Variants in ACO2 observed in about 807,000 individuals in gnomAD.
The protein encoded by ACO2 is aconitase 2.
Under a neutral mutation model 84.5 loss-of-function variants are expected in ACO2, and 31 were observed. The observed-to-expected ratio is 0.37, with a 90% confidence interval of 0.28 to 0.50. The LOEUF (loss-of-function observed/expected upper bound fraction) is 0.50. Ranked by LOEUF, ACO2 falls within the 20% of genes least tolerant of loss-of-function variation. The probability of loss-of-function intolerance (pLI) is 0.97; values close to 1 mark genes in which losing one functional copy is unlikely to be tolerated. For synonymous variants in ACO2, 414 were observed against 412.7 expected (o/e 1.00, Z -0.04); for missense variants, 685 against 1,029.3 (o/e 0.67, Z 4.58).
intron 1 of ACO2, among the ~76,000 whole-genome samples, chr22:41,481,871 C>A (rs1036149037): frequency 6.6e-6 from 1 of 152,148 alleles, no homozygotes; most frequent in African/African-American, 2.4e-5. Flanking sequence ...ATATTGTGAC[C>A]AGAATAGACC....
At position 41,524,969 on chromosome 22, in the gene ACO2, G is replaced by C; in HGVS notation, c.1605+1G>C. 6.2e-7 allele frequency: 1 copy of C among 1,614,182 alleles called. No homozygotes were observed. On this transcript the variant is annotated splice_donor_variant, in intron 13 of 17. Transcript: ENST00000216254. LOFTEE classifies it high-confidence loss of function. ...GGATGCAGATGAGCTTCCCAAAGGG[G>C]TGAGCGCCCACGCCCCCTGCTTGCT...
At chr22:41,496,928 G>T (rs977681655) in intron 1 of ACO2, among the ~76,000 whole-genome samples, 1 of 152,126 alleles carries the variant, frequency 6.6e-6, no homozygotes, top group Non-Finnish European at 1.5e-5. Flanking sequence ...GATTGACAGC[G>T]TTTGGATTAT....
chr22:41,477,376 G>A (rs2038030119), intron 1 of ACO2, among the ~76,000 whole-genome samples: 1 of 151,270 alleles, frequency 6.6e-6, no homozygotes, highest in South Asian at 2.1e-4. Flanking sequence ...AGCCAGGATG[G>A]TCTCAATCTC....
chr22:41,508,430 G>T (rs907601202), intron 3 of ACO2, among the ~76,000 whole-genome samples: 2 of 152,136 alleles, frequency 1.3e-5, no homozygotes, highest in Non-Finnish European at 2.9e-5. Flanking sequence ...ACCCACTCCC[G>T]CTCTCCTCTG....
chr22:41,523,073 C>T, intron 10 of ACO2, 86 bp downstream of exon 10: 1 of 1,577,054 alleles, frequency 6.3e-7, no homozygotes. Flanking sequence ...GCCTGTTGGG[C>T]CGGGGCTGGG....
chr22:41,514,207 C>T (rs879570914), intron 4 of ACO2, among the ~76,000 whole-genome samples: 1 of 152,172 alleles, frequency 6.6e-6, no homozygotes, highest in African/African-American at 2.4e-5. Flanking sequence ...TCTGGGAGCA[C>T]TGGTGGGTCC....
intron 11 of ACO2, among the ~76,000 whole-genome samples, 155 bp downstream of exon 11, chr22:41,523,433 C>G (rs1185980151): frequency 1.3e-5 from 2 of 152,246 alleles, no homozygotes; most frequent in Non-Finnish European, 2.9e-5. Context: ...GGCAGACATG[C>G]CTGGGAAGAG....
At chr22:41,517,429 T>C (rs1480071350) in intron 6 of ACO2, 98 bp from the exon 7 acceptor site, 9 of 932,962 alleles carry the variant, frequency 9.6e-6, no homozygotes, top group Non-Finnish European at 1.5e-5. Context: ...GGAGAAGCAA[T>C]GCAGCTCCCT....
intron 1 of ACO2, among the ~76,000 whole-genome samples, chr22:41,473,727 G>A (rs938725311): frequency 2.6e-5 from 4 of 152,268 alleles, no homozygotes; most frequent in African/African-American, 9.6e-5. Flanking sequence ...GGAAGACCTC[G>A]TAGAAGAGGT....
At chr22:41,503,530 C>T (rs2066369215) in intron 2 of ACO2, among the ~76,000 whole-genome samples, 2 of 152,074 alleles carry the variant, frequency 1.3e-5, no homozygotes, top group East Asian at 3.9e-4. Flanking sequence ...GGGGTTTCAC[C>T]ATGTTAGCCG....
At position 41,515,861 on chromosome 22, in the gene ACO2, G is replaced by A. The variant is rs144602638; in HGVS notation, c.779G>A (p.Gly260Asp). The A allele has an allele frequency of 6.2e-7, 1 of 1,614,246 alleles. No homozygotes were observed. Among genetic ancestry groups the A allele is most frequent in the Non-Finnish European group, 8.5e-7 (1 of 1,180,052 alleles). Residue 260 changes from glycine (G) to aspartate (D), a missense_variant, in exon 6 of 18, where the codon GGC becomes GAC. Coordinates refer to ENST00000216254, the MANE Select transcript of ACO2 (RefSeq NM_001098.3). This position sits in a 1 kb window ranked among gnomAD's most constrained non-coding sequence, Gnocchi z 5.8. ...GCAGGCATCCTCACGGTGAAAGGTG[G>A]CACAGGTGCAATCGTGGAATACCAC... ...KVAGILTVKG[G>D]TGAIVEYHGP... is the part of the protein sequence containing the mutation.
intron 13 of ACO2, 65 bp downstream of exon 13, chr22:41,525,033 C>T (rs1420867999): frequency 1.2e-6 from 2 of 1,612,574 alleles, no homozygotes; most frequent in Non-Finnish European, 1.7e-6. Context: ...CTCAACCTCA[C>T]AGCACCTCCT....
Position 41,524,931 on chromosome 22 carries a change from G to A in ACO2, c.1568G>A (p.Arg523Lys). 1 of 1,614,206 alleles carries A rather than the reference G, an allele frequency of 6.2e-7. No individual in the cohort carries two copies. Among genetic ancestry groups the A allele is most frequent in the Non-Finnish European group, 8.5e-7 (1 of 1,180,058 alleles). ...YLTGTDGKKF[R>K]LEAPDADELP... ...ACGGGCACGGATGGCAAGAAGTTCAGGCTGGAGGCTCCGGATGCAGATGAG... is the reference window on the plus strand; with the variant it reads ...ACGGGCACGGATGGCAAGAAGTTCAAGCTGGAGGCTCCGGATGCAGATGAG... The change falls in exon 13 of 18, where the codon AGG (arginine) becomes AAG (lysine). Residue 523 changes from arginine to lysine, a missense_variant. Arg to Lys is a conservative substitution (Grantham distance 26). This residue lies in a region of ACO2 where 311 missense variants were observed against 441.6 expected (regional missense o/e 0.70). Coordinates refer to ENST00000216254, the MANE Select transcript of ACO2 (RefSeq NM_001098.3).
intron 2 of ACO2, among the ~76,000 whole-genome samples, chr22:41,504,709 G>GC (rs2066379703): frequency 9.3e-6 from 1 of 107,768 alleles, no homozygotes; most frequent in African/African-American, 4.1e-5. Context: ...GCACCTTAGG[G>GC]ACTTTTTTTT....
chr22:41,491,558 A>G (rs1470545958), intron 1 of ACO2, among the ~76,000 whole-genome samples: 1 of 152,204 alleles, frequency 6.6e-6, no homozygotes, highest in Non-Finnish European at 1.5e-5. Context: ...AATGCTAATC[A>G]GCCACAAGGG....
At chr22:41,486,469 ATTT>A (rs1186941362) in intron 1 of ACO2, among the ~76,000 whole-genome samples, 3 of 104,468 alleles carry the variant, frequency 2.9e-5, no homozygotes, top group Middle Eastern at 4.9e-3. Flanking sequence ...AACTTTTTGT[ATTT>A]TTTTTTTTTT....
At chr22:41,517,320 G>A in intron 6 of ACO2, 2 of 546,684 alleles carry the variant, frequency 3.7e-6, no homozygotes, top group East Asian at 3.2e-5. Context: ...CTGGGGCCCT[G>A]AGCTCTGATC....
At chr22:41,526,997 C>A (rs2066612627) in intron 15 of ACO2, 1 of 499,126 alleles carries the variant, frequency 2.0e-6, no homozygotes, top group Non-Finnish European at 3.6e-6. Context: ...CCTGTCTCAC[C>A]CAACCTCCCT....
At chr22:41,473,765 C>G (rs2037974060) in intron 1 of ACO2, among the ~76,000 whole-genome samples, 1 of 152,130 alleles carries the variant, frequency 6.6e-6, no homozygotes. Flanking sequence ...TTAAATGATA[C>G]GAACGCAGCT....
Sources: allele counts gnomAD v4.1 joint callset (sites outside exome capture counted in the v4.1 genomes callset), GRCh38; gene constraint gnomAD v4.1.1; regional missense constraint gnomAD v4.1.1; non-coding constraint Gnocchi (gnomAD v3.1); transcripts MANE v1.5; gene names NCBI Gene and HGNC (gene_info 2026-07-23, HGNC 2026-07-21).